The following ROBO1 variants were observed in gnomAD, a reference collection of about 807,000 sequenced individuals.
ROBO1 encodes the protein roundabout guidance receptor 1.
Under a neutral mutation model 195.9 loss-of-function variants are expected in ROBO1, and 149 were observed. The observed-to-expected ratio is 0.76, with a 90% CI of 0.67 to 0.87. ROBO1 has a LOEUF of 0.87. ROBO1 is among the 40% of genes least tolerant of loss of function. The pLI, the probability that ROBO1 is intolerant of heterozygous loss-of-function variation, is 0.00. For synonymous variants in ROBO1, 816 were observed against 733.2 expected, an observed-to-expected ratio of 1.11 and a Z score of -1.82; for missense variants, 1,933 against 2,068.3, an observed-to-expected ratio of 0.93 and a Z score of 1.27.
intron 26 of ROBO1, among the ~76,000 whole-genome samples, chr3:78,621,613 TTCTA>T: frequency 6.6e-6 from 1 of 152,332 alleles, no homozygotes; most frequent in African/African-American, 2.4e-5. Flanking sequence ...ATGTAATACA[TTCTA>T]TTGGAAAACA....
intron 3 of ROBO1, among the ~76,000 whole-genome samples, chr3:78,944,838 T>G (rs1268181352): frequency 1.3e-5 from 2 of 152,146 alleles, no homozygotes; most frequent in East Asian, 3.9e-4. Flanking sequence ...TCCAATGGAC[T>G]TAAAAAACGG....
At chr3:79,022,202 AACTTTTGTATCT>A (rs2078117067) in intron 3 of ROBO1, among the ~76,000 whole-genome samples, 1 of 152,228 alleles carries the variant, frequency 6.6e-6, no homozygotes, top group African/African-American at 2.4e-5. Flanking sequence ...TGCATCTGAG[AACTTTTGTATCT>A]ACTTCCTTTT....
intron 3 of ROBO1, among the ~76,000 whole-genome samples, chr3:78,967,394 T>A (rs1359189866): frequency 7.2e-6 from 1 of 139,800 alleles, no homozygotes; most frequent in Non-Finnish European, 1.5e-5. Context: ...TTCCTACAAT[T>A]CCAAGCCAAG....
At chr3:79,264,442 G>T (rs2082998401) in intron 2 of ROBO1, among the ~76,000 whole-genome samples, 1 of 150,894 alleles carries the variant, frequency 6.6e-6, no homozygotes. Context: ...ACTTTGCTTT[G>T]TCTCTCTTTC....
chr3:78,978,133 C>T (rs1479629809), intron 3 of ROBO1, among the ~76,000 whole-genome samples: 1 of 151,912 alleles, frequency 6.6e-6, no homozygotes, highest in Non-Finnish European at 1.5e-5. Context: ...ATTGAATTGA[C>T]TGTAGATGAT....
At chr3:79,071,819 T>C (rs1156421474) in intron 3 of ROBO1, among the ~76,000 whole-genome samples, 1 of 151,814 alleles carries the variant, frequency 6.6e-6, no homozygotes, top group Non-Finnish European at 1.5e-5. Flanking sequence ...CAGAGTATTT[T>C]TTTTTGGTAA....
At chr3:79,434,053 A>G (rs1336777731) in intron 2 of ROBO1, among the ~76,000 whole-genome samples, 1 of 152,228 alleles carries the variant, frequency 6.6e-6, no homozygotes, top group Non-Finnish European at 1.5e-5. Flanking sequence ...TACACCTTAT[A>G]CAAAAATTAA....
At chr3:79,470,000 T>A (rs1938179807) in intron 2 of ROBO1, among the ~76,000 whole-genome samples, 1 of 152,164 alleles carries the variant, frequency 6.6e-6, no homozygotes, top group Non-Finnish European at 1.5e-5. Flanking sequence ...TAAAAACTGT[T>A]AAATATATTT....
intron 4 of ROBO1, among the ~76,000 whole-genome samples, chr3:78,764,043 T>C (rs2083169705): frequency 6.6e-6 from 1 of 152,188 alleles, no homozygotes; most frequent in Non-Finnish European, 1.5e-5. Flanking sequence ...GGATTTTCAG[T>C]AGATAACTCT....
At chr3:79,590,676 T>C (rs1943970532) in intron 1 of ROBO1, among the ~76,000 whole-genome samples, 1 of 151,764 alleles carries the variant, frequency 6.6e-6, no homozygotes, top group African/African-American at 2.4e-5. Flanking sequence ...CATTTTGAGA[T>C]ATGAGATAAT....
chr3:78,870,244 G>A (rs138794285), intron 4 of ROBO1, among the ~76,000 whole-genome samples: 60 of 152,160 alleles, frequency 3.9e-4, no homozygotes, highest in African/African-American at 1.4e-3. Flanking sequence ...ACCCAACCCC[G>A]TCCATTTGCC....
intron 4 of ROBO1, among the ~76,000 whole-genome samples, chr3:78,846,651 T>C (rs980140813): frequency 6.6e-6 from 1 of 152,122 alleles, no homozygotes; most frequent in Non-Finnish European, 1.5e-5. Flanking sequence ...CAACACAAGA[T>C]TCTGGTGTTT....
chr3:79,018,557 CTTAATA>C, intron 3 of ROBO1: 1 of 1,552,894 alleles, frequency 6.4e-7, no homozygotes, highest in Admixed American at 1.9e-5. Flanking sequence ...CACACAAAGG[CTTAATA>C]TAAGCAACGT....
intron 3 of ROBO1, among the ~76,000 whole-genome samples, chr3:79,069,860 G>C (rs1484566044): frequency 6.6e-6 from 1 of 151,732 alleles, no homozygotes; most frequent in African/African-American, 2.4e-5. Context: ...TTATAATATT[G>C]TTATGACAAC....
intron 8 of ROBO1, among the ~76,000 whole-genome samples, chr3:78,711,050 T>G (rs541965346): frequency 6.6e-6 from 1 of 152,306 alleles, no homozygotes; most frequent in African/African-American, 2.4e-5. Context: ...AAAAATACAT[T>G]TCATTGTATA....
At chr3:79,762,239 T>C (rs935338703) in intron 1 of ROBO1, among the ~76,000 whole-genome samples, 1 of 152,040 alleles carries the variant, frequency 6.6e-6, no homozygotes, top group African/African-American at 2.4e-5. Context: ...CATCTTCTTA[T>C]GTTTAGTCGG....
chr3:79,496,868 T>C (rs902065434), intron 2 of ROBO1, among the ~76,000 whole-genome samples: 1 of 152,166 alleles, frequency 6.6e-6, no homozygotes, highest in African/African-American at 2.4e-5. Context: ...TGTTTCTAAA[T>C]ATGATTGCAT....
chr3:78,711,284 CCTTTCTTTCTTTCT>C (rs1342039437), intron 8 of ROBO1, among the ~76,000 whole-genome samples: 2 of 149,162 alleles, frequency 1.3e-5, no homozygotes, highest in Non-Finnish European at 3.0e-5. Flanking sequence ...TCTTTCTTTC[CCTTTCTTTCTTTCT>C]CTTTCTTTCT....
chr3:79,225,151 A>T (rs1436748486), intron 2 of ROBO1, among the ~76,000 whole-genome samples: 1 of 152,110 alleles, frequency 6.6e-6, no homozygotes, highest in African/African-American at 2.4e-5. Context: ...TAAAAACTAC[A>T]TTTAGTAATT....
Sources: gnomAD v4.1 joint callset for allele counts (sites outside exome capture counted in the v4.1 genomes callset) on GRCh38, gnomAD v4.1.1 for gene constraint, MANE v1.5 for transcripts, NCBI Gene and HGNC (gene_info 2026-07-23, HGNC 2026-07-21) for gene names.